RIOX1: variants seen among roughly 807,000 people sequenced by gnomAD.
RIOX1 encodes ribosomal oxygenase 1.
A neutral mutation model predicts 44.6 loss-of-function variants in RIOX1; 33 were observed. That is an observed-to-expected ratio of 0.74 (90% confidence interval 0.56 to 0.99). The LOEUF (loss-of-function observed/expected upper bound fraction) is 0.99, where lower values mean the gene tolerates loss of function less well. RIOX1 is among the 50% of genes least tolerant of loss of function. The probability of loss-of-function intolerance (pLI) is 0.00; values close to 1 mark genes in which losing one functional copy is unlikely to be tolerated. For missense variants in RIOX1, 821 were observed against 871.7 expected (o/e 0.94, Z 0.73); for synonymous variants, 387 against 395.8 (o/e 0.98, Z 0.26).
In RIOX1 at chr14:73,493,156, G is replaced by T. The variant is rs1374794348; in HGVS notation, c.*213G>T. On this transcript the variant is annotated 3_prime_UTR_variant, in exon 1 of 1. Transcript: ENST00000304061. The stretch of plus-strand genomic sequence containing the variant: ...ACAAAAGGAAAAGGAGAAGTTGGAG[G>T]TGGAAAAAAAACCCTTGATCCGTGA... 2 of 1,589,566 alleles carry T rather than the reference G, an allele frequency of 1.3e-6. No individual in the cohort carries two copies. Among genetic ancestry groups the T allele is most frequent in the Non-Finnish European group, 1.7e-6 (2 of 1,161,588 alleles).
chr14:73,491,258 G>T lies in RIOX1; in HGVS notation c.241G>T (p.Gly81Cys), dbSNP rs775015711. 6.3e-7 allele frequency: 1 copy of T among 1,578,508 alleles called. No individual in the cohort carries two copies. Among genetic ancestry groups the T allele is most frequent in the Admixed American group, 1.8e-5 (1 of 56,408 alleles). The change falls in exon 1 of 1, where the codon GGT becomes TGT. Residue 81 changes from glycine (G) to cysteine (C), a missense_variant. Physicochemically the swap from Gly to Cys is radical, Grantham distance 159. This residue lies in a region of RIOX1 where 554 missense variants were observed against 531.2 expected (regional missense o/e 1.04). Transcript: ENST00000304061. ...CGACGACCTGGGGGACGCGCTACCC[G>T]GTGGGGCGGCGGTGGCGGCCGTCCC... ...TADDLGDALP[G>C]GAAVAAVPDA...
chr14:73,491,179 G>A lies in RIOX1; in HGVS notation c.162G>A (p.Arg54=). 6.3e-7 allele frequency: 1 copy of A among 1,598,670 alleles called. No homozygotes were observed. The highest frequency in any genetic ancestry group is 1.1e-5 in the South Asian group (1 of 88,266). ...TTGTATCCCGCATGGCAGCGCTGAG[G>A]ACGCAGACGCTGCCTAGCGAGAACT... is the stretch of plus-strand genomic sequence containing the variant. ...RSVVSRMAAL[R]TQTLPSENSE... The change falls in exon 1 of 1, where the codon AGG becomes AGA. Residue 54 remains arginine (R), a synonymous_variant. Coordinates refer to ENST00000304061, the MANE Select transcript of RIOX1 (RefSeq NM_024644.5).
chr14:73,493,189 AG>A lies in RIOX1; in HGVS notation c.*247del. 2 of 1,346,392 alleles carry A rather than the reference AG, an allele frequency of 1.5e-6. No individual in the cohort carries two copies. Among genetic ancestry groups the A allele is most frequent in the South Asian group, 2.4e-5 (2 of 84,918 alleles). The allele number at this position is 1,346,392 out of a possible 1,614,324, so 83.4% of individuals were successfully genotyped here. On this transcript the variant is annotated 3_prime_UTR_variant, in exon 1 of 1. Coordinates refer to ENST00000304061, the MANE Select transcript of RIOX1 (RefSeq NM_024644.5). ...AAAACCCTTGATCCGTGATCATTTC[AG>A]AGCACCAACTTCATCACCTTCAGGC...
Position 73,492,592 on chromosome 14 carries a change from G to T in RIOX1, c.1575G>T (p.Gly525=). 6.2e-7 allele frequency: 1 copy of T among 1,613,954 alleles called. No homozygotes were observed. Among genetic ancestry groups the T allele is most frequent in the Non-Finnish European group, 8.5e-7 (1 of 1,179,862 alleles). The change falls in exon 1 of 1, where the codon GGG becomes GGT. Residue 525 remains glycine (G), a synonymous_variant. Transcript: ENST00000304061. This position sits in a 1 kb window ranked among gnomAD's most constrained non-coding sequence, Gnocchi z 4.9. ...GGGAGAGGGCACTAAGTGTTTACGG[G>T]CTTCCAATTCGCTGGGAGGCTGGAG... is the stretch of plus-strand genomic sequence containing the variant. ...TDRERALSVY[G]LPIRWEAGEP... is the part of the protein sequence containing the mutation.
rs544017542 is a variant in RIOX1 at position 73,491,708 on chromosome 14, C to A, written c.691C>A (p.Arg231=). The A allele has an allele frequency of 7.9e-5, 122 of 1,550,138 alleles. No homozygotes were observed. The African/African-American group carries it at 1.6e-3, about 20-fold the overall frequency. Residue 231 remains arginine (R), a synonymous_variant, in exon 1 of 1, where the codon CGG becomes AGG. Transcript: ENST00000304061. ...RLWEREAVLV[R]RQDHTYYQGL... is the part of the protein sequence containing the mutation. ...ATGGGAGCGCGAGGCGGTGCTGGTGCGGCGGCAGGACCACACCTACTACCA... is the reference window on the plus strand; with the variant it reads ...ATGGGAGCGCGAGGCGGTGCTGGTGAGGCGGCAGGACCACACCTACTACCA...
In RIOX1 at chr14:73,492,604, C is replaced by G. The variant is rs34068039; in HGVS notation, c.1587C>G (p.Arg529=). Residue 529 remains arginine (R), a synonymous_variant, in exon 1 of 1, where the codon CGC becomes CGG. Coordinates refer to ENST00000304061, the MANE Select transcript of RIOX1 (RefSeq NM_024644.5). This position sits in a 1 kb window ranked among gnomAD's most constrained non-coding sequence, Gnocchi z 4.9. ...RALSVYGLPI[R]WEAGEPVNVG... The stretch of plus-strand genomic sequence containing the variant: ...TAAGTGTTTACGGGCTTCCAATTCG[C>G]TGGGAGGCTGGAGAACCTGTAAACG... The G allele has an allele frequency of 2.8e-3, 4,512 of 1,613,872 alleles. 7 individuals are homozygous for G. Among genetic ancestry groups the G allele is most frequent in the Non-Finnish European group, 3.3e-3 (3,904 of 1,179,872 alleles).
In RIOX1 at chr14:73,492,288, A is replaced by G. The variant is rs1228584191; in HGVS notation, c.1271A>G (p.Gln424Arg). ...CTGCACCTCACCTTGTCCACGTACC[A>G]GCGCAATACCTGGGGTGACTTCTTA... ...HSLHLTLSTY[Q>R]RNTWGDFLEA... is the part of the protein sequence containing the mutation. Residue 424 changes from glutamine to arginine, a missense_variant, in exon 1 of 1, where the codon CAG (glutamine) becomes CGG (arginine). By Grantham distance (43) the Gln-to-Arg change is conservative. Coordinates refer to ENST00000304061, the MANE Select transcript of RIOX1 (RefSeq NM_024644.5). The surrounding 1 kb of genome is among the most constrained non-coding windows in gnomAD (Gnocchi z 4.9). 1.9e-6 allele frequency: 3 copies of G among 1,614,032 alleles called. No individual in the cohort carries two copies. The highest frequency in any genetic ancestry group is 2.5e-6 in the Non-Finnish European group (3 of 1,179,900).
chr14:73,493,159 G>GA lies in RIOX1; in HGVS notation c.*224dup, dbSNP rs755326030. The GA allele has an allele frequency of 1.6e-5, 25 of 1,565,662 alleles. No individual in the cohort carries two copies. The highest frequency in any genetic ancestry group is 9.0e-5 in the East Asian group (4 of 44,606). ...AAAGGAAAAGGAGAAGTTGGAGGTG[G>GA]AAAAAAAACCCTTGATCCGTGATCA... On this transcript the variant is annotated 3_prime_UTR_variant, in exon 1 of 1. Transcript: ENST00000304061.
rs1216154354 is a variant in RIOX1, at chr14:73,491,014, G to C, written c.-4G>C. 2.0e-6 allele frequency: 3 copies of C among 1,488,394 alleles called. No homozygotes were observed. The highest frequency in any genetic ancestry group is 1.8e-6 in the Non-Finnish European group (2 of 1,114,738). The allele number at this position is 1,488,394 out of a possible 1,614,324, so 92.2% of individuals were successfully genotyped here. A position where few individuals can be genotyped will look rare whatever the true frequency, so the allele number is the denominator to read the frequency against. On this transcript the variant is annotated 5_prime_UTR_variant, in exon 1 of 1. Coordinates refer to ENST00000304061, the MANE Select transcript of RIOX1 (RefSeq NM_024644.5). ...CGGGCGGGGAAGACTGGTGTGGTCT[G>C]GCCATGGATGGGCTCCAGGCCAGTG...
chr14:73,492,792 CT>C lies in RIOX1; in HGVS notation c.1776del (p.Asp593MetfsTer14). On this transcript the variant is annotated frameshift_variant, in exon 1 of 1. Transcript: ENST00000304061. LOFTEE classifies it high-confidence loss of function. This position sits in a 1 kb window ranked among gnomAD's most constrained non-coding sequence, Gnocchi z 4.9. The stretch of plus-strand genomic sequence containing the variant: ...TGCTTGGAAATATACCCCCAGCAAG[CT>C]GATGCCATGGAACTGTTGCTTGGTT... Reference protein sequence around the residue: ...PKCLEIYPQQADAMELLLGSY... With the variant: ...PKCLEIYPQQXDAMELLLGSY... 6.2e-7 allele frequency: 1 copy of C among 1,613,978 alleles called. No individual in the cohort carries two copies. The highest frequency in any genetic ancestry group is 8.5e-7 in the Non-Finnish European group (1 of 1,179,896).
In RIOX1 at chr14:73,491,855, C is replaced by G. The variant is rs1322075686; in HGVS notation, c.838C>G (p.Arg280Gly). ...GRRETLNPPG[R>G]ALPAAAWSLY... ...ACGCGAGACCCTGAACCCACCCGGC[C>G]GCGCGCTGCCCGCCGCCGCGTGGTC... Residue 280 changes from arginine (R) to glycine (G), a missense_variant, in exon 1 of 1, where the codon CGC (arginine) becomes GGC (glycine). Coordinates refer to ENST00000304061, the MANE Select transcript of RIOX1 (RefSeq NM_024644.5). 1 of 1,610,082 alleles carries G rather than the reference C, an allele frequency of 6.2e-7. No individual in the cohort carries two copies. Among genetic ancestry groups the G allele is most frequent in the Non-Finnish European group, 8.5e-7 (1 of 1,178,600 alleles).
chr14:73,492,699 A>T lies in RIOX1; in HGVS notation c.1682A>T (p.Glu561Val). The T allele has an allele frequency of 6.2e-7, 1 of 1,613,944 alleles. No homozygotes were observed. The highest frequency in any genetic ancestry group is 8.5e-7 in the Non-Finnish European group (1 of 1,179,876). Residue 561 changes from glutamate to valine, a missense_variant, in exon 1 of 1, where the codon GAG (glutamate) becomes GTG (valine). This residue lies in a region of RIOX1 where 267 missense variants were observed against 340.5 expected (regional missense o/e 0.78). Transcript: ENST00000304061. The surrounding 1 kb of genome is among the most constrained non-coding windows in gnomAD (Gnocchi z 4.9). ...GATGGGATAGCTCGGCTGGTGGGTG[A>T]GGGGGGCCATTTGTTTCTCTATTAC... Reference protein sequence around the residue: ...LQDGIARLVGEGGHLFLYYTV... With the variant: ...LQDGIARLVGVGGHLFLYYTV...
chr14:73,491,098 G>A lies in RIOX1; in HGVS notation c.81G>A (p.Gly27=). ...GGCGCAAGCCCCAGCCACACAGCGG[G>A]TCGGTCCTGGCCCTGCCCTTGAGGT... ...KRRRKPQPHS[G]SVLALPLRSR... is the part of the protein sequence containing the mutation. Residue 27 remains glycine, a synonymous_variant, in exon 1 of 1, where the codon GGG becomes GGA. Transcript: ENST00000304061. The A allele has an allele frequency of 6.2e-7, 1 of 1,601,856 alleles. No individual in the cohort carries two copies. The highest frequency in any genetic ancestry group is 1.1e-5 in the South Asian group (1 of 88,740).
chr14:73,492,512 G>T lies in RIOX1; in HGVS notation c.1495G>T (p.Asp499Tyr). 2 of 1,613,326 alleles carry T rather than the reference G, an allele frequency of 1.2e-6. No homozygotes were observed. Among genetic ancestry groups the T allele is most frequent in the Non-Finnish European group, 1.7e-6 (2 of 1,179,610 alleles). Residue 499 changes from aspartate to tyrosine, a missense_variant, in exon 1 of 1, where the codon GAC becomes TAC. Physicochemically the swap from Asp to Tyr is radical, Grantham distance 160. Coordinates refer to ENST00000304061, the MANE Select transcript of RIOX1 (RefSeq NM_024644.5). The surrounding 1 kb of genome is among the most constrained non-coding windows in gnomAD (Gnocchi z 4.9). ...CTTTGCTCCTGTTGATGCTGTGGCC[G>T]ACCAGCGAGCCAAAGACTTCATTCA... The part of the protein sequence containing the change: ...GHFAPVDAVA[D>Y]QRAKDFIHDS...
Position 73,491,175 on chromosome 14 carries a change from T to C in RIOX1, c.158T>C (p.Leu53Pro), listed in dbSNP as rs781164429. The part of the protein sequence containing the change: ...LRSVVSRMAA[L>P]RTQTLPSENS... Reference sequence around the variant, plus strand: ...AGTGTTGTATCCCGCATGGCAGCGCTGAGGACGCAGACGCTGCCTAGCGAG... The same window carrying C: ...AGTGTTGTATCCCGCATGGCAGCGCCGAGGACGCAGACGCTGCCTAGCGAG... The change falls in exon 1 of 1, where the codon CTG becomes CCG. Residue 53 changes from leucine (L) to proline (P), a missense_variant. Physicochemically the swap from Leu to Pro is moderately conservative, Grantham distance 98. Coordinates refer to ENST00000304061, the MANE Select transcript of RIOX1 (RefSeq NM_024644.5). 3 of 1,601,192 alleles carry C rather than the reference T, an allele frequency of 1.9e-6. No individual in the cohort carries two copies. The highest frequency in any genetic ancestry group is 2.7e-5 in the African/African-American group (2 of 73,976).
chr14:73,493,032 T>G lies in RIOX1; in HGVS notation c.*89T>G. The G allele has an allele frequency of 6.2e-7, 1 of 1,600,750 alleles. No homozygotes were observed. On this transcript the variant is annotated 3_prime_UTR_variant, in exon 1 of 1. Transcript: ENST00000304061. The stretch of plus-strand genomic sequence containing the variant: ...TTTTTTTTTCCTTAAACTCACGTTC[T>G]TACCTTGATAAGCATCAGTGTGCTC...
rs1420552818 is a variant in RIOX1, at chr14:73,491,148, G to T, written c.131G>T (p.Arg44Leu). 6.2e-7 allele frequency: 1 copy of T among 1,607,876 alleles called. No homozygotes were observed. Among genetic ancestry groups the T allele is most frequent in the Non-Finnish European group, 8.5e-7 (1 of 1,177,256 alleles). Residue 44 changes from arginine to leucine, a missense_variant, in exon 1 of 1, where the codon CGA becomes CTA. Physicochemically the swap from Arg to Leu is moderately radical, Grantham distance 102. Coordinates refer to ENST00000304061, the MANE Select transcript of RIOX1 (RefSeq NM_024644.5). ...TCCAGGAAGATACGAAAGCAGCTGCGAAGTGTTGTATCCCGCATGGCAGCG... is the reference window on the plus strand; with the variant it reads ...TCCAGGAAGATACGAAAGCAGCTGCTAAGTGTTGTATCCCGCATGGCAGCG... ...LRSRKIRKQL[R>L]SVVSRMAALR...
Position 73,493,057 on chromosome 14 carries a change from C to A in RIOX1, c.*114C>A. Reference sequence around the variant, plus strand: ...TTACCTTGATAAGCATCAGTGTGCTCACATTTACCTTTATCACTGCTTCAG... The same window carrying A: ...TTACCTTGATAAGCATCAGTGTGCTAACATTTACCTTTATCACTGCTTCAG... On this transcript the variant is annotated 3_prime_UTR_variant, in exon 1 of 1. Transcript: ENST00000304061. 6.2e-7 allele frequency: 1 copy of A among 1,606,922 alleles called. No individual in the cohort carries two copies. Among genetic ancestry groups the A allele is most frequent in the South Asian group, 1.1e-5 (1 of 90,762 alleles).
At position 73,491,069 on chromosome 14, in the gene RIOX1, C is replaced by T. The variant is rs746961859; in HGVS notation, c.52C>T (p.Arg18Cys). The T allele has an allele frequency of 6.3e-7, 1 of 1,594,280 alleles. No homozygotes were observed. The highest frequency in any genetic ancestry group is 1.1e-5 in the South Asian group (1 of 87,924). ...AGPLRRGRPK[R>C]RRKPQPHSGS... ...GCCGTTGAGGCGCGGGCGGCCGAAG[C>T]GCCGGCGCAAGCCCCAGCCACACAG... The change falls in exon 1 of 1, where the codon CGC becomes TGC. Residue 18 changes from arginine (R) to cysteine (C), a missense_variant. This residue lies in a region of RIOX1 where 554 missense variants were observed against 531.2 expected (regional missense o/e 1.04). Coordinates refer to ENST00000304061, the MANE Select transcript of RIOX1 (RefSeq NM_024644.5).
Sources: allele counts gnomAD v4.1 joint callset, GRCh38; gene constraint gnomAD v4.1.1; regional missense constraint gnomAD v4.1.1; non-coding constraint Gnocchi (gnomAD v3.1); transcripts MANE v1.5; gene names NCBI Gene and HGNC (gene_info 2026-07-23, HGNC 2026-07-21).